Variants in OSBPL10 observed in about 807,000 individuals in gnomAD.
OSBPL10 encodes the protein oxysterol binding protein like 10.
In OSBPL10, 49 loss-of-function variants were observed where a neutral mutation model predicts 81.7. The observed-to-expected ratio is 0.60, with a 90% CI of 0.48 to 0.76. OSBPL10 has a LOEUF of 0.76. OSBPL10 is among the 30% of genes least tolerant of loss of function. The probability of loss-of-function intolerance (pLI) is 0.00; values close to 1 mark genes in which losing one functional copy is unlikely to be tolerated. For synonymous variants in OSBPL10, 419 were observed against 383.6 expected (o/e 1.09, Z -1.08); for missense variants, 923 against 987.8 (o/e 0.93, Z 0.88).
intron 1 of OSBPL10, among the ~76,000 whole-genome samples, chr3:32,075,386 C>T (rs1699864917): frequency 6.6e-6 from 1 of 152,172 alleles, no homozygotes; most frequent in Non-Finnish European, 1.5e-5. Context: ...CAAACAATAA[C>T]ATTGAACCCC....
rs181369073 is a variant in OSBPL10 at position 31,817,914 on chromosome 3, G to A, written c.729+12126C>T. On this transcript the variant is annotated intron_variant, in intron 4 of 11. Coordinates refer to ENST00000396556, the MANE Select transcript of OSBPL10 (RefSeq NM_017784.5). ...GAGCTTAGGAGATTGAGACCAGCCC[G>A]GTCAACCTTGCAAAACCATGTCTCT... is the stretch of plus-strand genomic sequence containing the variant. 2.9e-3 allele frequency among the ~76,000 whole-genome samples: 449 copies of A among 152,272 alleles called. 2 individuals are homozygous for A. The highest frequency in any genetic ancestry group is 9.8e-3 in the African/African-American group (408 of 41,570).
At chr3:31,826,874 G>A (rs1352573758) in intron 4 of OSBPL10, among the ~76,000 whole-genome samples, 1 of 152,172 alleles carries the variant, frequency 6.6e-6, no homozygotes, top group Admixed American at 6.5e-5. Flanking sequence ...GGTGTCTGAA[G>A]ACTGAAACTT....
intron 4 of OSBPL10, 130 bp from the exon 5 acceptor site, chr3:31,748,250 G>T: frequency 1.3e-6 from 1 of 788,046 alleles, no homozygotes; most frequent in Non-Finnish European, 2.1e-6. Context: ...GTGCACATTC[G>T]TCTTTTGATA....
At chr3:31,734,517 C>T (rs1050650433) in intron 5 of OSBPL10, among the ~76,000 whole-genome samples, 2 of 152,056 alleles carry the variant, frequency 1.3e-5, no homozygotes, top group African/African-American at 4.8e-5. Context: ...GCAGAAGGAT[C>T]GCTTGAGCCC....
At chr3:31,881,232 G>A (rs755502360) in intron 1 of OSBPL10, among the ~76,000 whole-genome samples, 1 of 152,082 alleles carries the variant, frequency 6.6e-6, no homozygotes. Flanking sequence ...TCCCCACAGC[G>A]CCCAGCAGTG....
intron 6 of OSBPL10, among the ~76,000 whole-genome samples, chr3:31,707,826 C>A (rs930971110): frequency 6.6e-6 from 1 of 152,120 alleles, no homozygotes; most frequent in African/African-American, 2.4e-5. Context: ...GCCACCAGGG[C>A]AAGTGTACTT....
At chr3:32,016,779 T>G (rs1016419219) in intron 2 of OSBPL10, among the ~76,000 whole-genome samples, 1 of 152,162 alleles carries the variant, frequency 6.6e-6, no homozygotes. Context: ...GACAGTGGAA[T>G]GCCAGAGAGT....
At chr3:32,012,242 T>C (rs993270277) in intron 2 of OSBPL10, among the ~76,000 whole-genome samples, 6 of 152,192 alleles carry the variant, frequency 3.9e-5, no homozygotes, top group African/African-American at 1.4e-4. Flanking sequence ...ACAGCTGATC[T>C]CTCGGCAGAA....
intron 4 of OSBPL10, among the ~76,000 whole-genome samples, chr3:31,776,785 A>C (rs1698559448): frequency 6.6e-6 from 1 of 152,032 alleles, no homozygotes; most frequent in South Asian, 2.1e-4. Flanking sequence ...GGCTGGGGGG[A>C]GGAGGGAAGG....
At chr3:31,664,018 T>C (rs759044631) in intron 11 of OSBPL10, 61 bp downstream of exon 11, 3 of 1,613,786 alleles carry the variant, frequency 1.9e-6, no homozygotes, top group African/African-American at 2.7e-5. Flanking sequence ...GAAAAACCCA[T>C]CTACCCTCTC....
chr3:32,049,279 C>T (rs1699650894), intron 1 of OSBPL10, among the ~76,000 whole-genome samples: 1 of 152,158 alleles, frequency 6.6e-6, no homozygotes, highest in Non-Finnish European at 1.5e-5. Flanking sequence ...CAAAAACGCC[C>T]TCTTGGGGTC....
chr3:31,771,769 C>T (rs1244632767), intron 4 of OSBPL10, among the ~76,000 whole-genome samples: 3 of 152,146 alleles, frequency 2.0e-5, no homozygotes, highest in Non-Finnish European at 2.9e-5. Flanking sequence ...AAGGTATATA[C>T]GCTCTGGAAA....
At position 31,965,889 on chromosome 3, in the gene OSBPL10, ATATAT is replaced by A. The variant is rs1317250279; in HGVS notation, c.281+15005_281+15009del. Among the ~76,000 whole-genome samples the A allele has an allele frequency of 4.5e-5, 4 of 89,096 alleles. No homozygotes were observed. In the Admixed American group the frequency reaches 4.5e-4, roughly 10 times the overall value. 58.5% of individuals were successfully genotyped at this position (89,096 alleles called of 152,430 possible). On this transcript the variant is annotated intron_variant, in intron 1 of 11. Coordinates refer to ENST00000396556, the MANE Select transcript of OSBPL10 (RefSeq NM_017784.5). Reference sequence around the variant, plus strand: ...ATACATATTATATAAAATAGATAACATATATTATATATTATATAAAATAGATAATA... The same window carrying A: ...ATACATATTATATAAAATAGATAACATATATATTATATAAAATAGATAATA...
At chr3:31,743,724 G>C (rs889995201) in intron 5 of OSBPL10, among the ~76,000 whole-genome samples, 1 of 152,182 alleles carries the variant, frequency 6.6e-6, no homozygotes, top group African/African-American at 2.4e-5. Context: ...AATCTGTATG[G>C]GTATTTGGTA....
At chr3:31,714,092 A>C (rs1696353342) in intron 6 of OSBPL10, 2 of 152,208 alleles carry the variant, frequency 1.3e-5, no homozygotes, top group African/African-American at 2.4e-5. Flanking sequence ...AAGCAACGAT[A>C]TGATTGCACA....
chr3:31,776,760 T>C (rs1363845128), intron 4 of OSBPL10, among the ~76,000 whole-genome samples: 1 of 152,070 alleles, frequency 6.6e-6, no homozygotes, highest in East Asian at 1.9e-4. Flanking sequence ...AGAACCATGA[T>C]TGGTTGTTGC....
At chr3:31,910,215 G>T (rs1696533755) in intron 1 of OSBPL10, among the ~76,000 whole-genome samples, 1 of 151,534 alleles carries the variant, frequency 6.6e-6, no homozygotes, top group Admixed American at 6.6e-5. Flanking sequence ...TCTTTACCTT[G>T]TGATCTGCCC....
In OSBPL10 at chr3:31,677,042, G is replaced by A. The variant is rs1005126448; in HGVS notation, c.1727-6059C>T. 8.5e-5 allele frequency among the ~76,000 whole-genome samples: 13 copies of A among 152,334 alleles called. 1 individual carries two copies. Among genetic ancestry groups the A allele is most frequent in the South Asian group, 6.2e-4 (3 of 4,820 alleles). On this transcript the variant is annotated intron_variant, in intron 8 of 11. Coordinates refer to ENST00000396556, the MANE Select transcript of OSBPL10 (RefSeq NM_017784.5). ...GCCTAAAGGCCATGATTTAGGAGATGAGCCCACGTATTTACGTTCACAATT... is the reference window on the plus strand; with the variant it reads ...GCCTAAAGGCCATGATTTAGGAGATAAGCCCACGTATTTACGTTCACAATT...
chr3:31,792,263 A>G (rs1699031216), intron 4 of OSBPL10, among the ~76,000 whole-genome samples: 2 of 152,170 alleles, frequency 1.3e-5, no homozygotes, highest in African/African-American at 4.8e-5. Flanking sequence ...AAGTCGTAAT[A>G]ATCTGGCAAG....
Sources: allele counts gnomAD v4.1 joint callset (sites outside exome capture counted in the v4.1 genomes callset), GRCh38; gene constraint gnomAD v4.1.1; transcripts MANE v1.5; gene names NCBI Gene and HGNC (gene_info 2026-07-23, HGNC 2026-07-21).